Variants in HERPUD2 observed in about 807,000 individuals in gnomAD.
The protein encoded by HERPUD2 is HERPUD family member 2, also known as homocysteine-responsive endoplasmic reticulum-resident ubiquitin-like domain member 2 protein.
In HERPUD2, 13 loss-of-function variants were observed where a neutral mutation model predicts 49.9. The observed-to-expected ratio is 0.26, with a 90% CI of 0.17 to 0.41. The LOEUF (loss-of-function observed/expected upper bound fraction) is 0.41, where lower values mean the gene tolerates loss of function less well. Ranked by LOEUF, HERPUD2 falls within the 10% of genes least tolerant of loss-of-function variation. The pLI is 1.00. For missense variants in HERPUD2, 449 were observed against 492.2 expected (o/e 0.91, Z 0.83); for synonymous variants, 172 against 171.4 (o/e 1.00, Z -0.03).
Position 35,633,726 on chromosome 7 carries a change from T to A in HERPUD2, c.1185A>T (p.Ser395=), listed in dbSNP as rs201560718. 1 of 1,613,966 alleles carries A rather than the reference T, an allele frequency of 6.2e-7. No individual in the cohort carries two copies. Among genetic ancestry groups the A allele is most frequent in the Non-Finnish European group, 8.5e-7 (1 of 1,179,918 alleles). Residue 395 remains serine, a synonymous_variant, in exon 9 of 9, where the codon TCA becomes TCT. Coordinates refer to ENST00000311350, the MANE Select transcript of HERPUD2 (RefSeq NM_022373.5). ...CCTGGGGAGGCCCCTCTGGTATTAG[T>A]GAAGTAAAGAAGGTGGTGATGAAAG... ...AWSFITTFFT[S]LIPEGPPQVA...
chr7:35,691,311 C>T (rs764456444), intron 2 of HERPUD2, among the ~76,000 whole-genome samples: 5 of 152,178 alleles, frequency 3.3e-5, no homozygotes, highest in African/African-American at 7.2e-5. Context: ...GATTTTACAA[C>T]TTCATAGAGT....
intron 5 of HERPUD2, among the ~76,000 whole-genome samples, chr7:35,662,663 G>A (rs1785449639): frequency 6.6e-6 from 1 of 152,286 alleles, no homozygotes; most frequent in Non-Finnish European, 1.5e-5. Context: ...TATTTGCGTA[G>A]AGGTGTTTAT....
intron 5 of HERPUD2, among the ~76,000 whole-genome samples, chr7:35,659,213 C>T (rs145945062): frequency 6.6e-6 from 1 of 152,284 alleles, no homozygotes; most frequent in Admixed American, 6.5e-5. Context: ...ATAAAATTTA[C>T]TTAAAGTATA....
At chr7:35,649,213 T>C (rs1187152835) in intron 5 of HERPUD2, among the ~76,000 whole-genome samples, 1 of 149,644 alleles carries the variant, frequency 6.7e-6, no homozygotes, top group Non-Finnish European at 1.5e-5. Context: ...ATTGCGCCAC[T>C]GCACTCCAGC....
chr7:35,692,466 C>T (rs1041160872), intron 2 of HERPUD2, among the ~76,000 whole-genome samples: 1 of 152,158 alleles, frequency 6.6e-6, no homozygotes, highest in Non-Finnish European at 1.5e-5. Context: ...ATTGACTATC[C>T]TAAAAACCTA....
chr7:35,653,915 G>A (rs950461778), intron 5 of HERPUD2, among the ~76,000 whole-genome samples: 2 of 152,094 alleles, frequency 1.3e-5, no homozygotes, highest in African/African-American at 2.4e-5. Flanking sequence ...CAGAAGGACT[G>A]TTTCAGCCCA....
chr7:35,673,150 C>T (rs1785680420), intron 3 of HERPUD2, 51 bp downstream of exon 3: 1 of 1,353,162 alleles, frequency 7.4e-7, no homozygotes, highest in African/African-American at 1.4e-5. Context: ...GAACATATCT[C>T]CTCTCACATT....
At chr7:35,666,094 A>G (rs1169354230) in intron 5 of HERPUD2, among the ~76,000 whole-genome samples, 1 of 152,228 alleles carries the variant, frequency 6.6e-6, no homozygotes, top group African/African-American at 2.4e-5. Flanking sequence ...TCTGTGAAAA[A>G]GAAAGGAAGT....
chr7:35,665,617 C>A (rs1562678822), intron 5 of HERPUD2, among the ~76,000 whole-genome samples: 1 of 152,210 alleles, frequency 6.6e-6, no homozygotes, highest in Non-Finnish European at 1.5e-5. Flanking sequence ...ATTTGTCTGG[C>A]AAGCCCCAGT....
chr7:35,633,791 T>C lies in HERPUD2; in HGVS notation c.1120A>G (p.Ser374Gly), dbSNP rs371795953. Residue 374 changes from serine (S) to glycine (G), a missense_variant, in exon 9 of 9, where the codon AGT becomes GGT. Physicochemically the swap from Ser to Gly is moderately conservative, Grantham distance 56 (BLOSUM62 0). Transcript: ENST00000311350. The part of the protein sequence containing the change: ...ESGEDGGEDA[S>G]AIQRPGLMAS... ...ATTAATCCAGGCCTTTGAATTGCAC[T>C]GGCATCTTCACCTCCATCTTCTCCA... 46 of 1,613,984 alleles carry C rather than the reference T, an allele frequency of 2.9e-5. No individual in the cohort carries two copies. The highest frequency in any genetic ancestry group is 3.7e-5 in the Non-Finnish European group (44 of 1,179,980).
intron 2 of HERPUD2, among the ~76,000 whole-genome samples, chr7:35,684,339 G>A (rs1418174186): frequency 6.6e-6 from 1 of 151,722 alleles, no homozygotes; most frequent in Non-Finnish European, 1.5e-5. Context: ...CCAGTGGGCC[G>A]AGATCGCACC....
At chr7:35,641,652 G>T (rs1583538805) in intron 5 of HERPUD2, among the ~76,000 whole-genome samples, 1 of 152,204 alleles carries the variant, frequency 6.6e-6, no homozygotes, top group African/African-American at 2.4e-5. Flanking sequence ...AAATAGCCCG[G>T]AAATAAGGCT....
At chr7:35,638,517 A>G in intron 5 of HERPUD2, 45 bp from the exon 6 acceptor site, 1 of 1,568,188 alleles carries the variant, frequency 6.4e-7, no homozygotes, top group Non-Finnish European at 8.7e-7. Flanking sequence ...CTAGCAGCTA[A>G]AAGTATTATT....
rs1786274513 is a variant in HERPUD2, at chr7:35,694,579, G to C, written c.-249C>G. Reference sequence around the variant, plus strand: ...GAGGCAGCTCTCCCCGCCAGGTCCGGGCTCCGCCGGGCTCCGGACTGTGGA... The same window carrying C: ...GAGGCAGCTCTCCCCGCCAGGTCCGCGCTCCGCCGGGCTCCGGACTGTGGA... On this transcript the variant is annotated 5_prime_UTR_variant, in exon 2 of 9. Transcript: ENST00000311350. 1.9e-6 allele frequency: 1 copy of C among 532,898 alleles called. No homozygotes were observed. Among genetic ancestry groups the C allele is most frequent in the Non-Finnish European group, 3.4e-6 (1 of 295,206 alleles). The allele number at this position is 532,898 out of a possible 1,614,324, so 33.0% of individuals were successfully genotyped here.
chr7:35,659,899 T>C (rs1236278111), intron 5 of HERPUD2, among the ~76,000 whole-genome samples: 2 of 152,040 alleles, frequency 1.3e-5, no homozygotes, highest in Admixed American at 1.3e-4. Flanking sequence ...TTATTTTATT[T>C]TACTTTAAGT....
chr7:35,686,746 C>A (rs56020794), intron 2 of HERPUD2, among the ~76,000 whole-genome samples: 35,137 of 38,192 alleles, frequency 0.92, 16,076 homozygotes, highest in Middle Eastern at 0.96. Context: ...AAAAAAAAAA[C>A]CAAACCCATT....
At chr7:35,648,194 G>C (rs1159864712) in intron 5 of HERPUD2, among the ~76,000 whole-genome samples, 1 of 151,996 alleles carries the variant, frequency 6.6e-6, no homozygotes, top group Non-Finnish European at 1.5e-5. Flanking sequence ...TTTGATTCAG[G>C]AATTCCCTTT....
In HERPUD2 at chr7:35,694,351, G is replaced by C. The variant is rs115053405; in HGVS notation, c.-21C>G. The stretch of plus-strand genomic sequence containing the variant: ...TCCATGGTGCCCCCAAAGTCAGACA[G>C]AGTCCAGAGGAGCGGCAGTTAAGCC... On this transcript the variant is annotated 5_prime_UTR_variant, in exon 2 of 9. Coordinates refer to ENST00000311350, the MANE Select transcript of HERPUD2 (RefSeq NM_022373.5). The C allele has an allele frequency of 9.7e-4, 1,561 of 1,613,930 alleles. 9 individuals are homozygous for C. The African/African-American group carries it at 0.019, about 20-fold the overall frequency.
At chr7:35,688,802 C>T (rs1303548707) in intron 2 of HERPUD2, among the ~76,000 whole-genome samples, 1 of 152,018 alleles carries the variant, frequency 6.6e-6, no homozygotes, top group African/African-American at 2.4e-5. Flanking sequence ...ATAACCATCA[C>T]ATATGATGTG....
Sources: allele counts gnomAD v4.1 joint callset (sites outside exome capture counted in the v4.1 genomes callset), GRCh38; gene constraint gnomAD v4.1.1; transcripts MANE v1.5; gene names NCBI Gene and HGNC (gene_info 2026-07-23, HGNC 2026-07-21).